The following VCF1 variants were observed in gnomAD, a reference collection of about 807,000 sequenced individuals.
The protein encoded by VCF1 is VCP nuclear cofactor family member 1.
the VCF1 span, among the ~76,000 whole-genome samples, chr17:73,221,118 C>T: frequency 1.9e-3 from 282 of 151,102 alleles, 2 homozygotes; most frequent in Middle Eastern, 0.01. Context: ...AGGCTGGTCT[C>T]GAACTCCTGA....
At chr17:73,232,086 C>G in the VCF1 span, 3 of 1,604,086 alleles carry the variant, frequency 1.9e-6, no homozygotes, top group African/African-American at 4.0e-5. Context: ...TCCCTCTCAC[C>G]TGGGACGGAG....
chr17:73,232,240 G>T, the VCF1 span: 12 of 1,611,822 alleles, frequency 7.4e-6, no homozygotes, highest in Non-Finnish European at 1.0e-5. Flanking sequence ...GACGCAGCCG[G>T]TGGCGAGTAC....
chr17:73,227,125 A>C, the VCF1 span: 1 of 1,381,314 alleles, frequency 7.2e-7, no homozygotes, highest in African/African-American at 1.5e-5. Flanking sequence ...TATTTAACTC[A>C]AGCAGTGAAA....
At chr17:73,211,312 C>T in the VCF1 span, among the ~76,000 whole-genome samples, 735 of 152,148 alleles carry the variant, frequency 4.8e-3, 13 homozygotes, top group East Asian at 0.025. Context: ...CCCCCATCTC[C>T]ATTAAAAATA....
At chr17:73,217,055 C>T in the VCF1 span, among the ~76,000 whole-genome samples, 1 of 152,178 alleles carries the variant, frequency 6.6e-6, no homozygotes, top group Non-Finnish European at 1.5e-5. Flanking sequence ...CAGGGCTGGG[C>T]CCAGTGGCTC....
At chr17:73,216,578 A>C in the VCF1 span, among the ~76,000 whole-genome samples, 1 of 152,272 alleles carries the variant, frequency 6.6e-6, no homozygotes, top group East Asian at 1.9e-4. Flanking sequence ...CAGGGAAAGA[A>C]ACAGTGGGTA....
chr17:73,227,608 A>G, the VCF1 span: 2 of 990,460 alleles, frequency 2.0e-6, no homozygotes, highest in Non-Finnish European at 2.4e-6. Flanking sequence ...TTCTTTTTAC[A>G]CTCCCTGAAA....
the VCF1 span, among the ~76,000 whole-genome samples, chr17:73,231,864 G>A: frequency 1.3e-5 from 2 of 152,050 alleles, no homozygotes; most frequent in African/African-American, 2.4e-5. Context: ...AAGATGGAGG[G>A]GCGGGAGACC....
At chr17:73,208,157 A>C in the VCF1 span, 1 of 1,525,662 alleles carries the variant, frequency 6.6e-7, no homozygotes, top group Non-Finnish European at 8.8e-7. Context: ...GTCCTCTTCA[A>C]ATCTGGACCG....
At chr17:73,223,621 G>A in the VCF1 span, among the ~76,000 whole-genome samples, 2 of 146,522 alleles carry the variant, frequency 1.4e-5, no homozygotes, top group Non-Finnish European at 3.0e-5. Flanking sequence ...TGAATTGTAA[G>A]TAACTTTTAA....
chr17:73,217,788 A>G, the VCF1 span, among the ~76,000 whole-genome samples: 12 of 152,114 alleles, frequency 7.9e-5, no homozygotes, highest in South Asian at 2.1e-3. Context: ...CCTGGGCAAC[A>G]TGGTGAAAAC....
chr17:73,227,939 C>T, the VCF1 span, among the ~76,000 whole-genome samples: 2 of 152,316 alleles, frequency 1.3e-5, no homozygotes, highest in East Asian at 3.9e-4. Context: ...GCTGTCAAAA[C>T]GATTTCTGAA....
At chr17:73,208,507 A>C in the VCF1 span, 16 of 1,585,606 alleles carry the variant, frequency 1.0e-5, no homozygotes, top group Admixed American at 6.7e-5. Flanking sequence ...TTTCTTCTAA[A>C]GGTGCCTCTG....
the VCF1 span, chr17:73,207,934 T>TAA: frequency 1.3e-5 from 14 of 1,072,844 alleles, no homozygotes; most frequent in Admixed American, 4.3e-5. Flanking sequence ...GATGGTAGTT[T>TAA]AAAAAAAAAA....
the VCF1 span, among the ~76,000 whole-genome samples, chr17:73,223,809 G>A: frequency 6.6e-6 from 1 of 151,762 alleles, no homozygotes; most frequent in Non-Finnish European, 1.5e-5. Context: ...GCAAGACCCT[G>A]TCTCTACAAA....
At chr17:73,232,150 G>C in the VCF1 span, 1 of 1,610,548 alleles carries the variant, frequency 6.2e-7, no homozygotes, top group Non-Finnish European at 8.5e-7. Context: ...GCTCCGCGAA[G>C]AGAGGGAACA....
the VCF1 span, chr17:73,209,578 C>T: frequency 6.3e-7 from 1 of 1,586,774 alleles, no homozygotes; most frequent in Non-Finnish European, 8.6e-7. Flanking sequence ...GTGGGCCTCC[C>T]TCAGGGTCTG....
At chr17:73,213,478 T>C in the VCF1 span, among the ~76,000 whole-genome samples, 1 of 152,236 alleles carries the variant, frequency 6.6e-6, no homozygotes. Context: ...ATATAGTATA[T>C]CAGTTGATTC....
the VCF1 span, chr17:73,207,982 G>C: frequency 1.6e-6 from 2 of 1,267,646 alleles, no homozygotes; most frequent in South Asian, 3.2e-5. Context: ...CTAAGCATGG[G>C]CTATGTTGCA....
Sources: allele counts gnomAD v4.1 joint callset (sites outside exome capture counted in the v4.1 genomes callset), GRCh38; gene constraint gnomAD v4.1.1; transcripts MANE v1.5; gene names NCBI Gene and HGNC (gene_info 2026-07-23, HGNC 2026-07-21).